The following LPP variants were observed in gnomAD, a reference collection of about 807,000 sequenced individuals.
LPP encodes the protein LIM domain containing preferred translocation partner in lipoma.
Under a neutral mutation model 60.4 loss-of-function variants are expected in LPP, and 38 were observed. That is an observed-to-expected ratio of 0.63 (90% CI 0.49 to 0.83). LPP has a LOEUF of 0.83. Ranked by LOEUF, LPP falls within the 40% of genes least tolerant of loss-of-function variation. The probability of loss-of-function intolerance (pLI) is 0.00; values close to 1 mark genes in which losing one functional copy is unlikely to be tolerated. For missense variants in LPP, 902 were observed against 783.6 expected (o/e 1.15, Z -1.80); for synonymous variants, 328 against 290.8 (o/e 1.13, Z -1.30).
chr3:188,445,304 C>T (rs1794964635), intron 4 of LPP, among the ~76,000 whole-genome samples: 1 of 152,068 alleles, frequency 6.6e-6, no homozygotes, highest in South Asian at 2.1e-4. Flanking sequence ...GAATACTATG[C>T]AGCCATAAAA....
chr3:188,705,606 AT>A (rs1042525720), intron 7 of LPP, among the ~76,000 whole-genome samples: 7 of 151,448 alleles, frequency 4.6e-5, no homozygotes, highest in Non-Finnish European at 7.4e-5. Flanking sequence ...TATATATATA[AT>A]TTTTTTTAAT....
At chr3:188,582,400 C>T (rs1319679378) in intron 6 of LPP, among the ~76,000 whole-genome samples, 2 of 151,624 alleles carry the variant, frequency 1.3e-5, no homozygotes, top group Non-Finnish European at 2.9e-5. Flanking sequence ...AGTCTTGTCT[C>T]GAACTCCTGA....
In LPP at chr3:188,217,738, G is replaced by T. The variant is rs1384259103; in HGVS notation, c.-189-7667G>T. Among the ~76,000 whole-genome samples the T allele has an allele frequency of 6.6e-6, 1 of 152,102 alleles. No individual in the cohort carries two copies. The highest frequency in any genetic ancestry group is 2.4e-5 in the African/African-American group (1 of 41,416). ...GAGGGAAATGAAAATAGGTGCCCTA[G>T]GGGGTTGCCCAGATAAGCAGCTGGC... On this transcript the variant is annotated intron_variant, in intron 1 of 11. Transcript: ENST00000617246. The surrounding 1 kb of genome is among the most constrained non-coding windows in gnomAD (Gnocchi z 4.0).
intron 3 of LPP, among the ~76,000 whole-genome samples, chr3:188,373,273 A>T (rs1389258905): frequency 6.6e-6 from 1 of 152,188 alleles, no homozygotes; most frequent in Non-Finnish European, 1.5e-5. Context: ...ATCCCTGAGG[A>T]ATCGCCACAC....
chr3:188,377,246 T>A (rs1036054859), intron 3 of LPP, among the ~76,000 whole-genome samples: 1 of 152,224 alleles, frequency 6.6e-6, no homozygotes, highest in Non-Finnish European at 1.5e-5. Context: ...AATTTGAATG[T>A]TGGCCTGCCT....
chr3:188,160,062 G>A (rs1417272491), intron 1 of LPP, among the ~76,000 whole-genome samples: 8 of 151,868 alleles, frequency 5.3e-5, no homozygotes, highest in South Asian at 4.1e-4. Flanking sequence ...ACAGGTGCCC[G>A]CCACCACTCC....
intron 4 of LPP, among the ~76,000 whole-genome samples, chr3:188,434,774 G>A (rs1791891924): frequency 6.6e-6 from 1 of 152,112 alleles, no homozygotes; most frequent in Non-Finnish European, 1.5e-5. Context: ...CTGAGCCTGG[G>A]GTCAATGATG....
chr3:188,397,675 G>A lies in LPP; in HGVS notation c.-9-8437G>A, dbSNP rs143560932. Among the ~76,000 whole-genome samples the A allele has an allele frequency of 6.0e-3, 911 of 151,536 alleles. 8 individuals carry two copies. Among genetic ancestry groups the A allele is most frequent in the African/African-American group, 0.021 (855 of 41,292 alleles). The stretch of plus-strand genomic sequence containing the variant: ...GTCTCCCAGGCTGGAGTGCAGTGGC[G>A]CGATCTCGGCTCACTGCAACCTCTG... On this transcript the variant is annotated intron_variant, in intron 3 of 11. Transcript: ENST00000617246.
At chr3:188,226,080 C>A (rs1289870149) in intron 2 of LPP, among the ~76,000 whole-genome samples, 1 of 152,154 alleles carries the variant, frequency 6.6e-6, no homozygotes, top group South Asian at 2.1e-4. Flanking sequence ...GCCATCTTGG[C>A]TCACTGCAAC....
At chr3:188,511,167 C>T (rs1362439323) in intron 5 of LPP, among the ~76,000 whole-genome samples, 1 of 130,218 alleles carries the variant, frequency 7.7e-6, no homozygotes, top group Non-Finnish European at 1.6e-5. Context: ...CTCCCTCCCT[C>T]CTTCCTTTCT....
At chr3:188,471,225 G>A (rs1289627831) in intron 4 of LPP, among the ~76,000 whole-genome samples, 2 of 152,102 alleles carry the variant, frequency 1.3e-5, no homozygotes. Flanking sequence ...GTAGCTTTGT[G>A]ATAAGCTGTG....
chr3:188,435,296 A>AC (rs1792033928), intron 4 of LPP, among the ~76,000 whole-genome samples: 1 of 152,166 alleles, frequency 6.6e-6, no homozygotes, highest in South Asian at 2.1e-4. Context: ...TTTTGACCTC[A>AC]TTGAACTCAC....
At chr3:188,796,515 G>A (rs913382625) in intron 9 of LPP, among the ~76,000 whole-genome samples, 1 of 152,072 alleles carries the variant, frequency 6.6e-6, no homozygotes, top group African/African-American at 2.4e-5. Flanking sequence ...TAAGTGACTG[G>A]GGGAACCTTT....
intron 7 of LPP, among the ~76,000 whole-genome samples, chr3:188,641,379 T>C (rs1473358882): frequency 1.3e-5 from 2 of 152,214 alleles, no homozygotes; most frequent in Non-Finnish European, 2.9e-5. Flanking sequence ...AAAATTTTTA[T>C]ACGATTTGGG....
intron 5 of LPP, among the ~76,000 whole-genome samples, chr3:188,511,045 C>T (rs757106240): frequency 5.4e-5 from 8 of 146,920 alleles, no homozygotes; most frequent in Non-Finnish European, 1.1e-4. Context: ...CCCTCCCCTT[C>T]CTTCTCCCTC....
chr3:188,609,442 C>A lies in LPP; in HGVS notation c.711C>A (p.Ala237=). Residue 237 remains alanine, a synonymous_variant, in exon 7 of 12, where the codon GCC becomes GCA. Transcript: ENST00000617246. The surrounding 1 kb of genome is among the most constrained non-coding windows in gnomAD (Gnocchi z 6.9). ...AGCCCAGCCCTCATTATATGGCTGC[C>A]CCTTCATCAGGACAAATTTATGGCT... The part of the protein sequence containing the change: ...SAQPSPHYMA[A]PSSGQIYGSG... 1 of 1,614,152 alleles carries A rather than the reference C, an allele frequency of 6.2e-7. No homozygotes were observed. Among genetic ancestry groups the A allele is most frequent in the South Asian group, 1.1e-5 (1 of 91,082 alleles).
intron 4 of LPP, among the ~76,000 whole-genome samples, chr3:188,426,829 T>A (rs1789501281): frequency 6.6e-6 from 1 of 152,222 alleles, no homozygotes; most frequent in South Asian, 2.1e-4. Context: ...TCCATTTATT[T>A]TGAGCCTGTA....
intron 3 of LPP, among the ~76,000 whole-genome samples, chr3:188,353,780 A>G (rs1766680004): frequency 6.6e-6 from 1 of 152,192 alleles, no homozygotes; most frequent in Non-Finnish European, 1.5e-5. Flanking sequence ...TGTTTTCAGT[A>G]AAGCCAGAAG....
chr3:188,168,439 A>G (rs532230029), intron 1 of LPP, among the ~76,000 whole-genome samples: 8 of 152,306 alleles, frequency 5.3e-5, no homozygotes, highest in African/African-American at 1.4e-4. Context: ...GAAAAATCAG[A>G]GTCCTGATTT....
Sources: allele counts gnomAD v4.1 joint callset (sites outside exome capture counted in the v4.1 genomes callset), GRCh38; gene constraint gnomAD v4.1.1; non-coding constraint Gnocchi (gnomAD v3.1); transcripts MANE v1.5; gene names NCBI Gene and HGNC (gene_info 2026-07-23, HGNC 2026-07-21).